Variants in SLC25A43 observed in about 807,000 individuals in gnomAD.
SLC25A43 encodes solute carrier family 25 member 43.
In SLC25A43, 10 loss-of-function variants were observed where a neutral mutation model predicts 22.8. That is an observed-to-expected ratio of 0.44 (90% confidence interval 0.27 to 0.74). The LOEUF (loss-of-function observed/expected upper bound fraction) is 0.74, where lower values mean the gene tolerates loss of function less well. SLC25A43 is among the 30% of genes least tolerant of loss of function. SLC25A43 has a pLI of 0.17. For missense variants in SLC25A43, 233 were observed against 279.1 expected, an observed-to-expected ratio of 0.83 and a Z score of 1.18; for synonymous variants, 106 against 121.6, an observed-to-expected ratio of 0.87 and a Z score of 0.84.
In SLC25A43 at chrX:119,399,390, C is replaced by T. The variant is rs1425169957; in HGVS notation, c.-14C>T. ...CCCGAGCCACGCGGTCTTCCGGGCC[C>T]GGGTCGGGGCTCGATGGCTACGTGG... On this transcript the variant is annotated 5_prime_UTR_variant, in exon 1 of 5. Coordinates refer to ENST00000217909, the MANE Select transcript of SLC25A43 (RefSeq NM_145305.3). 2.0e-6 allele frequency: 2 copies of T among 981,864 alleles called. No individual in the cohort carries two copies. Among genetic ancestry groups the T allele is most frequent in the East Asian group, 8.4e-5 (2 of 23,872 alleles). The allele number at this position is 981,864 out of a possible 1,213,427, so 80.9% of individuals were successfully genotyped here. A position where few individuals can be genotyped will look rare whatever the true frequency, so the allele number is the denominator to read the frequency against.
chrX:119,402,158 G>C (rs2052243959), intron 1 of SLC25A43, among the ~76,000 whole-genome samples: 1 of 111,927 alleles, frequency 8.9e-6, no homozygotes, highest in African/African-American at 3.2e-5. Flanking sequence ...TTGCAAAACA[G>C]TTGGCTGGGG....
Position 119,399,456 on chromosome X carries a change from G to C in SLC25A43, c.53G>C (p.Cys18Ser). Residue 18 changes from cysteine (C) to serine (S), a missense_variant, in exon 1 of 5, where the codon TGC becomes TCC. Coordinates refer to ENST00000217909, the MANE Select transcript of SLC25A43 (RefSeq NM_145305.3). ...GRLTGGQRLL[C>S]AGLAGTLSLS... ...CTGACAGGCGGCCAAAGGCTGCTGT[G>C]CGCTGGGCTGGCGGGGACGCTCAGC... 1 of 1,049,744 alleles carries C rather than the reference G, an allele frequency of 9.5e-7. No homozygotes were observed. The highest frequency in any genetic ancestry group is 1.2e-6 in the Non-Finnish European group (1 of 818,248). The allele number at this position is 1,049,744 out of a possible 1,213,427, so 86.5% of individuals were successfully genotyped here. A position where few individuals can be genotyped will look rare whatever the true frequency, so the allele number is the denominator to read the frequency against.
intron 3 of SLC25A43, among the ~76,000 whole-genome samples, chrX:119,416,944 GT>G (rs2052406645): frequency 8.9e-6 from 1 of 112,207 alleles, no homozygotes; most frequent in South Asian, 3.7e-4. Context: ...TACTGTAAGT[GT>G]TTTATTCATT....
intron 3 of SLC25A43, among the ~76,000 whole-genome samples, chrX:119,428,803 G>A (rs958113041): frequency 2.0e-4 from 22 of 111,816 alleles, no homozygotes; most frequent in African/African-American, 6.5e-4. Flanking sequence ...TCAGATCAGC[G>A]GCGGCATTAG....
intron 3 of SLC25A43, among the ~76,000 whole-genome samples, chrX:119,443,280 C>T (rs1305705780): frequency 2.5e-4 from 27 of 108,662 alleles, no homozygotes; most frequent in Admixed American, 2.4e-3. Context: ...CCACCATGCC[C>T]GGCTAATTTT....
chrX:119,410,642 C>A (rs1449343376), intron 3 of SLC25A43, among the ~76,000 whole-genome samples: 1 of 111,641 alleles, frequency 9.0e-6, no homozygotes, highest in Non-Finnish European at 1.9e-5. Flanking sequence ...AATCCCAGCA[C>A]TTTGGGAGGG....
intron 1 of SLC25A43, among the ~76,000 whole-genome samples, chrX:119,401,089 C>T (rs1343058180): frequency 9.0e-6 from 1 of 111,576 alleles, no homozygotes; most frequent in African/African-American, 3.3e-5. Flanking sequence ...GCTCCTGCCT[C>T]CTGCCCTGTA....
At chrX:119,434,260 T>A (rs760642416) in intron 3 of SLC25A43, among the ~76,000 whole-genome samples, 75 of 109,636 alleles carry the variant, frequency 6.8e-4, no homozygotes, top group African/African-American at 2.4e-3. Context: ...TAGAGGACAG[T>A]CAGGATTGGA....
Position 119,411,527 on chromosome X carries a change from C to A in SLC25A43, c.690+1165C>A, listed in dbSNP as rs184904862. Among the ~76,000 whole-genome samples, 637 of 109,604 alleles carry A rather than the reference C, an allele frequency of 5.8e-3. 6 individuals are homozygous for A. The highest frequency in any genetic ancestry group is 0.021 in the African/African-American group (616 of 30,039). ...AAAAAAAAAAAAAAAAATGAGGCGG[C>A]ATCTTAGTGAGACCACTGAGGCAAA... On this transcript the variant is annotated intron_variant, in intron 3 of 4. Coordinates refer to ENST00000217909, the MANE Select transcript of SLC25A43 (RefSeq NM_145305.3).
At chrX:119,407,449 A>G (rs1017168168) in intron 2 of SLC25A43, among the ~76,000 whole-genome samples, 2 of 111,595 alleles carry the variant, frequency 1.8e-5, no homozygotes, top group African/African-American at 6.5e-5. Context: ...TTTAGTAACA[A>G]TGGCCAACTT....
intron 3 of SLC25A43, among the ~76,000 whole-genome samples, chrX:119,426,918 A>G (rs1020634788): frequency 9.0e-6 from 1 of 111,350 alleles, no homozygotes; most frequent in Non-Finnish European, 1.9e-5. Context: ...GACCTTGGAT[A>G]TGTATAGCTA....
At position 119,406,580 on chromosome X, in the gene SLC25A43, C is replaced by T. The variant is rs1326453713; in HGVS notation, c.396C>T (p.Thr132=). The stretch of plus-strand genomic sequence containing the variant: ...CATATCCTACAGACCTCATCAAAAC[C>T]CGGTTGATCATGCAGAACATACTGG... ...IVTYPTDLIK[T]RLIMQNILEP... The change falls in exon 2 of 5, where the codon ACC becomes ACT. Residue 132 remains threonine, a synonymous_variant. Coordinates refer to ENST00000217909, the MANE Select transcript of SLC25A43 (RefSeq NM_145305.3). The T allele has an allele frequency of 8.3e-7, 1 of 1,210,003 alleles. No individual in the cohort carries two copies. The highest frequency in any genetic ancestry group is 1.1e-6 in the Non-Finnish European group (1 of 895,267).
At chrX:119,406,431 C>T in intron 1 of SLC25A43, 29 bp from the exon 2 acceptor site, 1 of 1,206,447 alleles carries the variant, frequency 8.3e-7, no homozygotes, top group East Asian at 3.0e-5. Flanking sequence ...TAGTTGATTT[C>T]TCTGGCCTTT....
chrX:119,446,372 C>A (rs1190251426), intron 3 of SLC25A43, among the ~76,000 whole-genome samples: 1 of 111,060 alleles, frequency 9.0e-6, no homozygotes, highest in Admixed American at 9.6e-5. Context: ...GAATATAAAA[C>A]AGAATAAAAT....
intron 3 of SLC25A43, among the ~76,000 whole-genome samples, chrX:119,443,114 CTCTTTTT>C (rs1263920459): frequency 7.9e-4 from 58 of 73,168 alleles, no homozygotes; most frequent in African/African-American, 3.1e-3. Flanking sequence ...CCCATTCTCT[CTCTTTTT>C]TTTTTTTTTT....
In SLC25A43 at chrX:119,454,030, T is replaced by A. The variant is rs2052724870; in HGVS notation, c.*965T>A. ...AAAGACAGTTTATACCATGACTGCTTAATTATCCCCCCAAAGACCTTCTGA... is the reference window on the plus strand; with the variant it reads ...AAAGACAGTTTATACCATGACTGCTAAATTATCCCCCCAAAGACCTTCTGA... On this transcript the variant is annotated 3_prime_UTR_variant, in exon 5 of 5. Transcript: ENST00000217909. 8.9e-6 allele frequency: 1 copy of A among 112,385 alleles called. No individual in the cohort carries two copies. Among genetic ancestry groups the A allele is most frequent in the Non-Finnish European group, 1.9e-5 (1 of 53,223 alleles). 9.3% of individuals were successfully genotyped at this position (112,385 alleles called of 1,213,427 possible). A position where few individuals can be genotyped will look rare whatever the true frequency, so the allele number is the denominator to read the frequency against.
At chrX:119,448,390 C>T (rs954520790) in intron 3 of SLC25A43, among the ~76,000 whole-genome samples, 2 of 111,630 alleles carry the variant, frequency 1.8e-5, no homozygotes, top group Non-Finnish European at 3.8e-5. Flanking sequence ...ATAACCCCCC[C>T]CAGTGACCAG....
At chrX:119,416,791 A>G (rs1172447766) in intron 3 of SLC25A43, among the ~76,000 whole-genome samples, 1 of 112,382 alleles carries the variant, frequency 8.9e-6, no homozygotes, top group Non-Finnish European at 1.9e-5. Context: ...CTTTGTTGAC[A>G]TCATTCAAAC....
In SLC25A43 at chrX:119,453,075, G is replaced by A. The variant is rs2052718102; in HGVS notation, c.*10G>A. On this transcript the variant is annotated 3_prime_UTR_variant, in exon 5 of 5. Transcript: ENST00000217909. ...AAAACCAACTCTATAAAATGGAATG[G>A]AACTAGAAGTGCACTGACTGACAGC... 2 of 1,173,997 alleles carry A rather than the reference G, an allele frequency of 1.7e-6. No individual in the cohort carries two copies. Among genetic ancestry groups the A allele is most frequent in the Admixed American group, 4.4e-5 (2 of 45,799 alleles).
Sources: allele counts gnomAD v4.1 joint callset (sites outside exome capture counted in the v4.1 genomes callset), GRCh38; gene constraint gnomAD v4.1.1; transcripts MANE v1.5; gene names NCBI Gene and HGNC (gene_info 2026-07-23, HGNC 2026-07-21).